SKAP1: variants seen among roughly 807,000 people sequenced by gnomAD.
SKAP1 encodes the protein src kinase-associated phosphoprotein 1.
In SKAP1, 44 loss-of-function variants were observed where a neutral mutation model predicts 58.5. The ratio of observed to expected loss-of-function variants is 0.75; its 90% CI spans 0.59 to 0.97. The LOEUF is 0.97. SKAP1 is among the 50% of genes least tolerant of loss of function. SKAP1 has a pLI of 0.00. For synonymous variants in SKAP1, 127 were observed against 149.7 expected (o/e 0.85, Z 1.11); for missense variants, 390 against 435.2 (o/e 0.90, Z 0.92).
At chr17:48,301,574 C>T (rs926859651) in intron 4 of SKAP1, among the ~76,000 whole-genome samples, 1 of 152,006 alleles carries the variant, frequency 6.6e-6, no homozygotes, top group Non-Finnish European at 1.5e-5. Flanking sequence ...ATTGCTTGAA[C>T]CCAGCAATTC....
intron 4 of SKAP1, among the ~76,000 whole-genome samples, chr17:48,288,042 T>C (rs1056812208): frequency 4.6e-5 from 7 of 152,204 alleles, no homozygotes; most frequent in African/African-American, 1.7e-4. Context: ...AAGAGGAACT[T>C]GGTATATCTT....
intron 2 of SKAP1, among the ~76,000 whole-genome samples, chr17:48,392,383 A>G (rs1322929749): frequency 2.6e-5 from 4 of 152,114 alleles, no homozygotes; most frequent in Non-Finnish European, 4.4e-5. Context: ...CCATCTCAAT[A>G]TGATATAAAT....
At chr17:48,165,656 T>C (rs1158786358) in intron 10 of SKAP1, among the ~76,000 whole-genome samples, 1 of 152,108 alleles carries the variant, frequency 6.6e-6, no homozygotes, top group Non-Finnish European at 1.5e-5. Context: ...CACCTCGGTC[T>C]CCTAAAGTGT....
intron 4 of SKAP1, among the ~76,000 whole-genome samples, chr17:48,194,921 G>A (rs1036929096): frequency 6.6e-6 from 1 of 152,162 alleles, no homozygotes; most frequent in African/African-American, 2.4e-5. Context: ...GGGTGTATGA[G>A]ATTGGAGAAA....
At chr17:48,312,026 A>C (rs1209171632) in intron 4 of SKAP1, among the ~76,000 whole-genome samples, 1 of 152,234 alleles carries the variant, frequency 6.6e-6, no homozygotes, top group East Asian at 1.9e-4. Flanking sequence ...GGAAGACACA[A>C]GCATCTGGGG....
At position 48,396,780 on chromosome 17, in the gene SKAP1, C is replaced by T. The variant is rs1356696565; in HGVS notation, c.52G>A (p.Glu18Lys). ...CGCAAACCTTCTGCCAGAAACTCTT[C>T]AGCATCTAAAAGAAAAGGAAAGTTG... Reference protein sequence around the residue: ...EEIRWLLEDAEEFLAEGLRNE... With the variant: ...EEIRWLLEDAKEFLAEGLRNE... Residue 18 changes from glutamate to lysine, a missense_variant, in exon 2 of 13, where the codon GAA (glutamate) becomes AAA (lysine). Glu to Lys is a moderately conservative substitution (Grantham distance 56). Coordinates refer to ENST00000336915, the MANE Select transcript of SKAP1 (RefSeq NM_003726.4). 2 of 1,611,062 alleles carry T rather than the reference C, an allele frequency of 1.2e-6. No individual in the cohort carries two copies. The highest frequency in any genetic ancestry group is 4.5e-5 in the East Asian group (2 of 44,800).
chr17:48,346,048 C>G, intron 3 of SKAP1, 42 bp from the exon 4 acceptor site: 2 of 1,251,468 alleles, frequency 1.6e-6, no homozygotes, highest in East Asian at 4.8e-5. Context: ...AATCTTTGGG[C>G]ATCCTTATAA....
intron 4 of SKAP1, among the ~76,000 whole-genome samples, chr17:48,242,690 G>T (rs1295946638): frequency 6.6e-6 from 1 of 152,188 alleles, no homozygotes; most frequent in Non-Finnish European, 1.5e-5. Flanking sequence ...AAGACAAGGG[G>T]TTATGTGGTT....
At chr17:48,212,721 G>C (rs1297178578) in intron 4 of SKAP1, among the ~76,000 whole-genome samples, 1 of 152,208 alleles carries the variant, frequency 6.6e-6, no homozygotes, top group Non-Finnish European at 1.5e-5. Context: ...GATTTTAAAA[G>C]TAAAGCACTG....
chr17:48,399,909 CAAGAA>C (rs1473591637), intron 1 of SKAP1, among the ~76,000 whole-genome samples: 2 of 151,936 alleles, frequency 1.3e-5, no homozygotes, highest in Non-Finnish European at 2.9e-5. Context: ...GACAACTAAG[CAAGAA>C]AATGAAATAA....
chr17:48,194,894 TA>T (rs1174231113), intron 4 of SKAP1, among the ~76,000 whole-genome samples: 1 of 152,106 alleles, frequency 6.6e-6, no homozygotes. Context: ...AGTACTCATG[TA>T]AAAAACCTGG....
At chr17:48,394,575 A>C (rs1305552234) in intron 2 of SKAP1, among the ~76,000 whole-genome samples, 2 of 152,156 alleles carry the variant, frequency 1.3e-5, no homozygotes, top group Non-Finnish European at 2.9e-5. Flanking sequence ...TCCTGGCCTC[A>C]AGCGATCTTC....
chr17:48,337,808 A>C (rs2066594072), intron 4 of SKAP1, among the ~76,000 whole-genome samples: 1 of 152,208 alleles, frequency 6.6e-6, no homozygotes, highest in African/African-American at 2.4e-5. Flanking sequence ...TCTAGGAGCC[A>C]AGATCAGACC....
At chr17:48,254,517 T>C (rs932458663) in intron 4 of SKAP1, among the ~76,000 whole-genome samples, 1 of 151,916 alleles carries the variant, frequency 6.6e-6, no homozygotes, top group Non-Finnish European at 1.5e-5. Flanking sequence ...TATATATAGA[T>C]GTATTGTTAA....
chr17:48,312,847 C>T (rs1295898778), intron 4 of SKAP1, among the ~76,000 whole-genome samples: 1 of 152,174 alleles, frequency 6.6e-6, no homozygotes, highest in African/African-American at 2.4e-5. Flanking sequence ...TTAGGAGACA[C>T]TTGGCCATAT....
At chr17:48,194,333 C>T (rs541460078) in intron 4 of SKAP1, among the ~76,000 whole-genome samples, 4 of 152,214 alleles carry the variant, frequency 2.6e-5, no homozygotes, top group Admixed American at 2.0e-4. Context: ...CAATAAAAAA[C>T]GACAGAATAG....
intron 1 of SKAP1, among the ~76,000 whole-genome samples, chr17:48,413,023 C>T (rs1252931225): frequency 2.0e-5 from 3 of 151,164 alleles, no homozygotes; most frequent in Admixed American, 6.6e-5. Flanking sequence ...TCTAAAAATA[C>T]GCCCACACAC....
intron 4 of SKAP1, among the ~76,000 whole-genome samples, chr17:48,325,173 C>A (rs1178589312): frequency 7.2e-6 from 1 of 139,596 alleles, no homozygotes; most frequent in Non-Finnish European, 1.5e-5. Context: ...GGCGTGAACC[C>A]GGGAGGCGGA....
intron 4 of SKAP1, among the ~76,000 whole-genome samples, chr17:48,335,207 C>A (rs1869200016): frequency 1.3e-5 from 2 of 151,820 alleles, no homozygotes; most frequent in Non-Finnish European, 3.0e-5. Context: ...CTAAATAGGA[C>A]CCCATATTTT....
Sources: gnomAD v4.1 joint callset for allele counts (sites outside exome capture counted in the v4.1 genomes callset) on GRCh38, gnomAD v4.1.1 for gene constraint, MANE v1.5 for transcripts, NCBI Gene and HGNC (gene_info 2026-07-23, HGNC 2026-07-21) for gene names.